Variants in BAG2 observed in about 807,000 individuals in gnomAD.
BAG2 encodes BAG cochaperone 2, also known as BAG family molecular chaperone regulator 2.
A neutral mutation model predicts 16.4 loss-of-function variants in BAG2; 8 were observed. That is an observed-to-expected ratio of 0.49 (90% CI 0.29 to 0.88). The LOEUF is 0.88. BAG2 is among the 40% of genes least tolerant of loss of function. The pLI is 0.09. For synonymous variants in BAG2, 82 were observed against 89.2 expected (o/e 0.92, Z 0.46); for missense variants, 218 against 248.9 (o/e 0.88, Z 0.84).
chr6:57,174,276 TCTC>T (rs1344644188), intron 1 of BAG2: 3 of 1,296,084 alleles, frequency 2.3e-6, no homozygotes, highest in Middle Eastern at 2.1e-4. Flanking sequence ...ACCACTTCAT[TCTC>T]CTCTCCCTTA....
At chr6:57,178,656 C>G (rs1420854079) in intron 1 of BAG2, among the ~76,000 whole-genome samples, 1 of 152,084 alleles carries the variant, frequency 6.6e-6, no homozygotes, top group Non-Finnish European at 1.5e-5. Flanking sequence ...TGACATTTTA[C>G]CCTTGCATGA....
At chr6:57,174,855 G>T (rs1363845480) in intron 1 of BAG2, among the ~76,000 whole-genome samples, 3 of 152,256 alleles carry the variant, frequency 2.0e-5, no homozygotes, top group Non-Finnish European at 2.9e-5. Flanking sequence ...GACTAATAAA[G>T]TAGTGTAACT....
At chr6:57,178,011 G>A (rs537779823) in intron 1 of BAG2, among the ~76,000 whole-genome samples, 2 of 152,256 alleles carry the variant, frequency 1.3e-5, no homozygotes, top group African/African-American at 2.4e-5. Flanking sequence ...TTTCATGCAG[G>A]GAGTTTTCCA....
At chr6:57,177,732 C>G (rs532082489) in intron 1 of BAG2, among the ~76,000 whole-genome samples, 3 of 152,310 alleles carry the variant, frequency 2.0e-5, no homozygotes, top group Admixed American at 2.0e-4. Flanking sequence ...GCGACTGACC[C>G]ATTTGCACAG....
chr6:57,175,360 A>G (rs529514597), intron 1 of BAG2, among the ~76,000 whole-genome samples: 25 of 152,152 alleles, frequency 1.6e-4, no homozygotes, highest in Non-Finnish European at 3.2e-4. Flanking sequence ...CATAACTCCC[A>G]TAACCCTTAT....
At chr6:57,177,411 A>G (rs1593191866) in intron 1 of BAG2, among the ~76,000 whole-genome samples, 1 of 152,148 alleles carries the variant, frequency 6.6e-6, no homozygotes, top group Admixed American at 6.5e-5. Context: ...GTGAGACTCC[A>G]TCTCAAAAAA....
At chr6:57,173,109 A>G (rs1418485977) in intron 1 of BAG2, 1 of 1,038,028 alleles carries the variant, frequency 9.6e-7, no homozygotes, top group African/African-American at 1.7e-5. Flanking sequence ...AAAAAATCAG[A>G]GGAGATAAAA....
At chr6:57,178,300 G>A (rs138921957) in intron 1 of BAG2, among the ~76,000 whole-genome samples, 525 of 152,274 alleles carry the variant, frequency 3.4e-3, no homozygotes, top group Non-Finnish European at 6.2e-3. Context: ...GACAAAAGAC[G>A]TGTATATGAG....
rs1426402534 is a variant in BAG2 at position 57,184,817 on chromosome 6, A to G, written c.*627A>G. Reference sequence around the variant, plus strand: ...CTATAATTTACCACTGTGAACAATTATATATCTATCTGCTTCATCTTTTCT... The same window carrying G: ...CTATAATTTACCACTGTGAACAATTGTATATCTATCTGCTTCATCTTTTCT... On this transcript the variant is annotated 3_prime_UTR_variant, in exon 3 of 3. Coordinates refer to ENST00000370693, the MANE Select transcript of BAG2 (RefSeq NM_004282.4). 6.6e-6 allele frequency: 1 copy of G among 152,668 alleles called. No individual in the cohort carries two copies. The highest frequency in any genetic ancestry group is 1.5e-5 in the Non-Finnish European group (1 of 68,030). 9.5% of individuals were successfully genotyped at this position (152,668 alleles called of 1,614,324 possible).
rs763773113 is a variant in BAG2 at position 57,174,387 on chromosome 6, T to C, written c.113+1577T>C. 5.4e-6 allele frequency: 7 copies of C among 1,304,068 alleles called. No homozygotes were observed. The African/African-American group carries it at 6.1e-5, about 11-fold the overall frequency. The allele number at this position is 1,304,068 out of a possible 1,614,324, so 80.8% of individuals were successfully genotyped here. On this transcript the variant is annotated intron_variant, in intron 1 of 2. Transcript: ENST00000370693. ...TTGTCCTCCAACTTGAATTAATGCC[T>C]CACATGTGGTAGGTACAAAAGCACT...
chr6:57,180,732 CCTTAGGTCAA>C (rs1182691102), intron 1 of BAG2, among the ~76,000 whole-genome samples: 1 of 151,246 alleles, frequency 6.6e-6, no homozygotes, highest in African/African-American at 2.4e-5. Context: ...TGGGGGAAGA[CCTTAGGTCAA>C]AACTTCAAAA....
In BAG2 at chr6:57,184,907, T is replaced by G. The variant is rs1260269172; in HGVS notation, c.*717T>G. On this transcript the variant is annotated 3_prime_UTR_variant, in exon 3 of 3. Transcript: ENST00000370693. ...GCCTTTTTTTAAAAAAGTTAGATGC[T>G]GATATAAAGTCTGCTTAATTGTCAA... The G allele has an allele frequency of 6.6e-6, 1 of 152,408 alleles. No individual in the cohort carries two copies. The highest frequency in any genetic ancestry group is 1.5e-5 in the Non-Finnish European group (1 of 68,032). The allele number at this position is 152,408 out of a possible 1,614,324, so 9.4% of individuals were successfully genotyped here. A position where few individuals can be genotyped will look rare whatever the true frequency, so the allele number is the denominator to read the frequency against.
chr6:57,175,233 T>C (rs149801839), intron 1 of BAG2, among the ~76,000 whole-genome samples: 1 of 152,380 alleles, frequency 6.6e-6, no homozygotes, highest in East Asian at 1.9e-4. Flanking sequence ...TAACAATTAT[T>C]GTAATTTGTA....
At position 57,189,647 on chromosome 6, in the gene BAG2, C is replaced by G. The variant is rs1412607946; in HGVS notation, c.*5457C>G. ...TCAAATTCCTATACTCCTCTTTTAT[C>G]TACGCTGTCAGATGAAAACTGCTTA... On this transcript the variant is annotated 3_prime_UTR_variant, in exon 3 of 3. Coordinates refer to ENST00000370693, the MANE Select transcript of BAG2 (RefSeq NM_004282.4). 1.3e-5 allele frequency: 2 copies of G among 152,570 alleles called. No individual in the cohort carries two copies. Among genetic ancestry groups the G allele is most frequent in the Non-Finnish European group, 1.5e-5 (1 of 68,024 alleles). The allele number at this position is 152,570 out of a possible 1,614,324, so 9.5% of individuals were successfully genotyped here.
intron 1 of BAG2, chr6:57,173,585 A>T: frequency 1.2e-6 from 1 of 822,758 alleles, no homozygotes; most frequent in Non-Finnish European, 1.5e-6. Context: ...GTAGACTTGT[A>T]TAGAATTTCT....
rs754046018 is a variant in BAG2, at chr6:57,184,007, T to A, written c.453T>A (p.Val151=). 6.2e-7 allele frequency: 1 copy of A among 1,612,978 alleles called. No individual in the cohort carries two copies. Among genetic ancestry groups the A allele is most frequent in the South Asian group, 1.1e-5 (1 of 90,650 alleles). ...CATCTGAGGTGCCACATGGGCCAGTTGATCAGAAGTTTCAATCCATAGTAA... is the reference window on the plus strand; with the variant it reads ...CATCTGAGGTGCCACATGGGCCAGTAGATCAGAAGTTTCAATCCATAGTAA... ...ACSSEVPHGP[V]DQKFQSIVIG... Residue 151 remains valine (V), a synonymous_variant, in exon 3 of 3, where the codon GTT becomes GTA. Coordinates refer to ENST00000370693, the MANE Select transcript of BAG2 (RefSeq NM_004282.4).
chr6:57,176,193 CGTT>C (rs1252222554), intron 1 of BAG2, among the ~76,000 whole-genome samples: 3 of 152,102 alleles, frequency 2.0e-5, no homozygotes, highest in Admixed American at 6.6e-5. Context: ...GGCCCCATGT[CGTT>C]GTTACTATTA....
chr6:57,172,591 G>A lies in BAG2; in HGVS notation c.-107G>A. On this transcript the variant is annotated 5_prime_UTR_variant, in exon 1 of 3. Transcript: ENST00000370693. Reference sequence around the variant, plus strand: ...TTGCCCCCGCGGGCGTCAGAGGGAGGGCGGGCGCCCGCGTGGTGACGGCGA... The same window carrying A: ...TTGCCCCCGCGGGCGTCAGAGGGAGAGCGGGCGCCCGCGTGGTGACGGCGA... The A allele has an allele frequency of 1.1e-6, 1 of 945,058 alleles. No homozygotes were observed. Among genetic ancestry groups the A allele is most frequent in the Non-Finnish European group, 1.5e-6 (1 of 684,786 alleles). The allele number at this position is 945,058 out of a possible 1,614,324, so 58.5% of individuals were successfully genotyped here. A position where few individuals can be genotyped will look rare whatever the true frequency, so the allele number is the denominator to read the frequency against.
At chr6:57,181,837 T>C (rs1764458568) in intron 1 of BAG2, among the ~76,000 whole-genome samples, 195 bp from the exon 2 acceptor site, 1 of 152,204 alleles carries the variant, frequency 6.6e-6, no homozygotes, top group Non-Finnish European at 1.5e-5. Flanking sequence ...GAAAGAATGA[T>C]TGCCTTATGA....
Sources: allele counts gnomAD v4.1 joint callset (sites outside exome capture counted in the v4.1 genomes callset), GRCh38; gene constraint gnomAD v4.1.1; transcripts MANE v1.5; gene names NCBI Gene and HGNC (gene_info 2026-07-23, HGNC 2026-07-21).